Variants in PUS7 observed in about 807,000 individuals in gnomAD.
PUS7 encodes the protein pseudouridine synthase 7, also known as pseudouridylate synthase 7 homolog.
Under a neutral mutation model 79.8 loss-of-function variants are expected in PUS7, and 48 were observed. The observed-to-expected ratio is 0.60, with a 90% CI of 0.48 to 0.76. The LOEUF is 0.76. PUS7 is among the 30% of genes least tolerant of loss of function. PUS7 has a pLI of 0.00. For missense variants in PUS7, 729 were observed against 797.6 expected (o/e 0.91, Z 1.04); for synonymous variants, 286 against 272.2 (o/e 1.05, Z -0.50).
chr7:105,468,226 C>G, intron 12 of PUS7, 111 bp downstream of exon 12: 1 of 1,416,802 alleles, frequency 7.1e-7, no homozygotes, highest in Non-Finnish European at 9.5e-7. Context: ...TACCACCGTG[C>G]CTCACCACAT....
At chr7:105,479,015 T>G (rs754253203) in intron 9 of PUS7, among the ~76,000 whole-genome samples, 4 of 152,250 alleles carry the variant, frequency 2.6e-5, no homozygotes, top group Non-Finnish European at 4.4e-5. Context: ...GCTCCCTTAT[T>G]CTGTCCCATA....
chr7:105,467,929 C>G (rs972326499), intron 12 of PUS7, among the ~76,000 whole-genome samples: 8 of 151,484 alleles, frequency 5.3e-5, no homozygotes, highest in Non-Finnish European at 1.0e-4. Flanking sequence ...CTCAAACTTA[C>G]TAGACATCTC....
intron 2 of PUS7, among the ~76,000 whole-genome samples, chr7:105,507,614 T>A (rs554980281): frequency 1.3e-5 from 2 of 152,214 alleles, no homozygotes. Context: ...CAATCTCGGC[T>A]CACTGCAACC....
At chr7:105,490,065 GCCAAGATC>G (rs1436335790) in intron 7 of PUS7, among the ~76,000 whole-genome samples, 2 of 148,296 alleles carry the variant, frequency 1.3e-5, no homozygotes, top group African/African-American at 5.0e-5. Flanking sequence ...GTTGCAGTAA[GCCAAGATC>G]CCACCATTGC....
chr7:105,495,281 T>C (rs771122886), intron 5 of PUS7, 28 bp from the exon 6 acceptor site: 1 of 1,246,284 alleles, frequency 8.0e-7, no homozygotes, highest in South Asian at 1.3e-5. Context: ...TAACATTATA[T>C]ATACCATAAT....
chr7:105,513,540 C>T (rs1460117688), intron 1 of PUS7, among the ~76,000 whole-genome samples: 1 of 152,250 alleles, frequency 6.6e-6, no homozygotes, highest in Non-Finnish European at 1.5e-5. Flanking sequence ...TATTGATGGG[C>T]TGGGCGCGGT....
Position 105,457,575 on chromosome 7 carries a change from T to C in PUS7, c.*215A>G. ...AGCACCTGAAGTGTATTTTGACTAA[T>C]TTATATTCTGAGCTAAAATTAAGAA... On this transcript the variant is annotated 3_prime_UTR_variant, in exon 16 of 16. Coordinates refer to ENST00000469408, the MANE Select transcript of PUS7 (RefSeq NM_019042.5). The C allele has an allele frequency of 5.3e-6, 2 of 380,564 alleles. No individual in the cohort carries two copies. The highest frequency in any genetic ancestry group is 9.2e-6 in the Non-Finnish European group (2 of 216,884). The allele number at this position is 380,564 out of a possible 1,614,324, so 23.6% of individuals were successfully genotyped here.
At chr7:105,495,326 T>A in intron 5 of PUS7, 73 bp from the exon 6 acceptor site, 1 of 874,634 alleles carries the variant, frequency 1.1e-6, no homozygotes, top group Non-Finnish European at 1.9e-6. Context: ...TTTTTCGCTA[T>A]AGAACCTTTG....
Position 105,463,517 on chromosome 7 carries a change from C to A in PUS7, c.1628-767G>T, listed in dbSNP as rs1823517788. On this transcript the variant is annotated intron_variant, in intron 13 of 15. Transcript: ENST00000469408. ...CCCAGGGTAACAGGCTCACATACAACAATAACTCCAGATATTTTAAGCTTT... is the reference window on the plus strand; with the variant it reads ...CCCAGGGTAACAGGCTCACATACAAAAATAACTCCAGATATTTTAAGCTTT... Among the ~76,000 whole-genome samples, 3 of 152,184 alleles carry A rather than the reference C, an allele frequency of 2.0e-5. No homozygotes were observed. In the South Asian group the frequency reaches 6.2e-4, roughly 32 times the overall value.
intron 8 of PUS7, among the ~76,000 whole-genome samples, 197 bp downstream of exon 8, chr7:105,482,115 A>G (rs1562798803): frequency 6.6e-6 from 1 of 152,174 alleles, no homozygotes; most frequent in Non-Finnish European, 1.5e-5. Context: ...AGGTGTCCAC[A>G]CAAATCCTAC....
chr7:105,472,406 T>G (rs1823909521), intron 9 of PUS7, among the ~76,000 whole-genome samples: 1 of 152,070 alleles, frequency 6.6e-6, no homozygotes, highest in African/African-American at 2.4e-5. Context: ...CCACCATACC[T>G]GGCTAAGTTT....
At chr7:105,468,497 T>A in intron 11 of PUS7, 34 bp from the exon 12 acceptor site, 1 of 1,541,872 alleles carries the variant, frequency 6.5e-7, no homozygotes, top group Non-Finnish European at 8.8e-7. Flanking sequence ...CAAGAAAACA[T>A]ATTCTAAATA....
At chr7:105,469,751 C>T (rs917365752) in intron 11 of PUS7, among the ~76,000 whole-genome samples, 4 of 152,098 alleles carry the variant, frequency 2.6e-5, no homozygotes, top group African/African-American at 4.8e-5. Context: ...TGAGCCACTG[C>T]GCGGGCCTGT....
intron 1 of PUS7, among the ~76,000 whole-genome samples, chr7:105,510,418 T>C (rs1028276280): frequency 1.3e-5 from 2 of 152,110 alleles, no homozygotes; most frequent in African/African-American, 4.8e-5. Flanking sequence ...ATACAGGTGG[T>C]ATATAGTTCT....
intron 1 of PUS7, among the ~76,000 whole-genome samples, chr7:105,511,088 G>A (rs1476236183): frequency 1.4e-5 from 2 of 140,638 alleles, no homozygotes; most frequent in African/African-American, 4.9e-5. Context: ...CTGGAGTGCA[G>A]TGGCACGATC....
chr7:105,521,039 C>A (rs1012986528), intron 1 of PUS7, among the ~76,000 whole-genome samples: 4 of 152,062 alleles, frequency 2.6e-5, no homozygotes, highest in African/African-American at 9.7e-5. Flanking sequence ...AATAAAAAAA[C>A]CAAAAACATG....
Position 105,518,439 on chromosome 7 carries a change from G to A in PUS7, c.-33+3613C>T, listed in dbSNP as rs139625524. On this transcript the variant is annotated intron_variant, in intron 1 of 15. Transcript: ENST00000469408. ...ATTTTTTGAGACAGTGTCTCACTCT[G>A]TCACCCAGGCTGGAGTGCAGTGGCG... is the stretch of plus-strand genomic sequence containing the variant. 3.3e-3 allele frequency among the ~76,000 whole-genome samples: 499 copies of A among 152,006 alleles called. 3 individuals are homozygous for A. The highest frequency in any genetic ancestry group is 0.01 in the African/African-American group (421 of 41,460).
chr7:105,473,057 G>A (rs557007223), intron 9 of PUS7, among the ~76,000 whole-genome samples: 9 of 151,754 alleles, frequency 5.9e-5, no homozygotes, highest in South Asian at 2.1e-4. Context: ...CCCCGTGCCC[G>A]GCCCACATGG....
At chr7:105,460,611 T>C (rs1378012003) in intron 14 of PUS7, among the ~76,000 whole-genome samples, 1 of 151,808 alleles carries the variant, frequency 6.6e-6, no homozygotes, top group Non-Finnish European at 1.5e-5. Flanking sequence ...TCCCAGCACT[T>C]TGGGAGGCCG....
Sources: gnomAD v4.1 joint callset for allele counts (sites outside exome capture counted in the v4.1 genomes callset) on GRCh38, gnomAD v4.1.1 for gene constraint, MANE v1.5 for transcripts, NCBI Gene and HGNC (gene_info 2026-07-23, HGNC 2026-07-21) for gene names.